Variants in WIZ observed in about 807,000 individuals in gnomAD.
WIZ encodes the protein WIZ zinc finger.
In WIZ, 25 loss-of-function variants were observed where a neutral mutation model predicts 140.2. That is an observed-to-expected ratio of 0.18 (90% CI 0.13 to 0.25). The LOEUF (loss-of-function observed/expected upper bound fraction) is 0.25, where lower values mean the gene tolerates loss of function less well. WIZ is among the 10% of genes least tolerant of loss of function. The pLI, the probability that WIZ is intolerant of heterozygous loss-of-function variation, is 1.00. For missense variants in WIZ, 2,231 were observed against 2,632.6 expected (o/e 0.85, Z 3.34); for synonymous variants, 1,125 against 1,154.3 (o/e 0.97, Z 0.51).
At chr19:15,446,131 T>C (rs1158461722) in intron 2 of WIZ, among the ~76,000 whole-genome samples, 4 of 152,158 alleles carry the variant, frequency 2.6e-5, no homozygotes, top group East Asian at 1.9e-4. Context: ...CCTTCAAGGG[T>C]GGGCCTGGCC....
intron 5 of WIZ, among the ~76,000 whole-genome samples, chr19:15,435,044 T>A (rs968202230): frequency 1.3e-5 from 2 of 151,950 alleles, no homozygotes; most frequent in African/African-American, 2.4e-5. Flanking sequence ...CTGGCTAACA[T>A]AGTGAAACCT....
Position 15,429,789 on chromosome 19 carries a change from A to G in WIZ, c.3212T>C (p.Ile1071Thr). 6.6e-7 allele frequency: 1 copy of G among 1,519,390 alleles called. No homozygotes were observed. Among genetic ancestry groups the G allele is most frequent in the Non-Finnish European group, 8.8e-7 (1 of 1,136,066 alleles). 94.1% of individuals were successfully genotyped at this position (1,519,390 alleles called of 1,614,324 possible). A position where few individuals can be genotyped will look rare whatever the true frequency, so the allele number is the denominator to read the frequency against. Reference sequence around the variant, plus strand: ...GGCCGAGAAGCCGGGAGGCGACTTGATGGCTTTGTTGACAGCAGGGGCATC... The same window carrying G: ...GGCCGAGAAGCCGGGAGGCGACTTGGTGGCTTTGTTGACAGCAGGGGCATC... Reference protein sequence around the residue: ...PLDAPAVNKAIKSPPGFSAKG... With the variant: ...PLDAPAVNKATKSPPGFSAKG... The change falls in exon 7 of 13, where the codon ATC (isoleucine) becomes ACC (threonine). Residue 1071 changes from isoleucine to threonine, a missense_variant. By Grantham distance (89) the Ile-to-Thr change is moderately conservative. Around this residue, in one of 15 missense-constraint regions of WIZ, gnomAD observed 163 missense variants for 166.8 expected, o/e 0.98. Coordinates refer to ENST00000673675, the MANE Select transcript of WIZ (RefSeq NM_001371589.1).
In WIZ at chr19:15,428,285, C is replaced by T. The variant is rs1968987326; in HGVS notation, c.3639G>A (p.Gly1213=). The change falls in exon 8 of 13, where the codon GGG becomes GGA. Residue 1213 remains glycine, a synonymous_variant. Coordinates refer to ENST00000673675, the MANE Select transcript of WIZ (RefSeq NM_001371589.1). The surrounding 1 kb of genome is among the most constrained non-coding windows in gnomAD (Gnocchi z 6.4). ...GGGCCGCGGAGGTGGGAGGCGGCCG[C>T]CCCGGGTGGGCCAGGGCGCCGCGCC... ...PPRRGALAHP[G]RPPPTSAALS... 2 of 1,527,882 alleles carry T rather than the reference C, an allele frequency of 1.3e-6. No homozygotes were observed. Among genetic ancestry groups the T allele is most frequent in the Non-Finnish European group, 1.7e-6 (2 of 1,143,740 alleles). The allele number at this position is 1,527,882 out of a possible 1,614,324, so 94.6% of individuals were successfully genotyped here. A position where few individuals can be genotyped will look rare whatever the true frequency, so the allele number is the denominator to read the frequency against.
chr19:15,446,306 C>T (rs533107834), intron 2 of WIZ, among the ~76,000 whole-genome samples: 105 of 152,238 alleles, frequency 6.9e-4, no homozygotes, highest in African/African-American at 2.2e-3. Flanking sequence ...TCCAATCCCT[C>T]GGAACCAGAC....
At chr19:15,430,809 G>A (rs977581272) in intron 6 of WIZ, among the ~76,000 whole-genome samples, 2 of 152,234 alleles carry the variant, frequency 1.3e-5, no homozygotes, top group Non-Finnish European at 2.9e-5. Flanking sequence ...CGCCCCGTGA[G>A]GGTGCAGCTC....
intron 5 of WIZ, among the ~76,000 whole-genome samples, chr19:15,434,994 C>T (rs948583347): frequency 6.6e-6 from 1 of 152,060 alleles, no homozygotes; most frequent in Non-Finnish European, 1.5e-5. Flanking sequence ...TTTGGGAGGA[C>T]GAGGCAGGCG....
Position 15,436,858 on chromosome 19 carries a change from C to T in WIZ, c.2688G>A (p.Thr896=), listed in dbSNP as rs767650543. 2.7e-5 allele frequency: 44 copies of T among 1,611,956 alleles called. No individual in the cohort carries two copies. The highest frequency in any genetic ancestry group is 3.4e-5 in the Non-Finnish European group (40 of 1,179,318). The change falls in exon 5 of 13, where the codon ACG becomes ACA. Residue 896 remains threonine, a synonymous_variant. Transcript: ENST00000673675. ...LTSRRPRLPL[T]VPFPPTWAED... ...CAGCCCAGGTGGGTGGAAAGGGCAC[C>T]GTGAGAGGTAAGCGGGGCCGACGGG...
rs1968460373 is a variant in WIZ at position 15,422,942 on chromosome 19, C to T, written c.*134G>A. On this transcript the variant is annotated 3_prime_UTR_variant, in exon 13 of 13. Transcript: ENST00000673675. ...GCGCCCTGGCTGTAGTGTGCCCGGCCCCCAAGGGGCGCCGGTTTGAGGTTT... is the reference window on the plus strand; with the variant it reads ...GCGCCCTGGCTGTAGTGTGCCCGGCTCCCAAGGGGCGCCGGTTTGAGGTTT... 2 of 1,347,420 alleles carry T rather than the reference C, an allele frequency of 1.5e-6. No homozygotes were observed. The highest frequency in any genetic ancestry group is 2.9e-5 in the African/African-American group (2 of 68,246). 83.5% of individuals were successfully genotyped at this position (1,347,420 alleles called of 1,614,324 possible).
In WIZ at chr19:15,442,537, C is replaced by G; in HGVS notation, c.278+139G>C. The stretch of plus-strand genomic sequence containing the variant: ...AGCACACGCCCAGGGGCTTGCCTGC[C>G]GGGAGCTGACTCCTCCTCCTGCCTG... On this transcript the variant is annotated intron_variant, in intron 3 of 12. Transcript: ENST00000673675. This position sits in a 1 kb window ranked among gnomAD's most constrained non-coding sequence, Gnocchi z 5.5. 2 of 591,412 alleles carry G rather than the reference C, an allele frequency of 3.4e-6. No individual in the cohort carries two copies. Among genetic ancestry groups the G allele is most frequent in the Non-Finnish European group, 5.0e-6 (2 of 403,582 alleles). The allele number at this position is 591,412 out of a possible 1,614,324, so 36.6% of individuals were successfully genotyped here. A position where few individuals can be genotyped will look rare whatever the true frequency, so the allele number is the denominator to read the frequency against.
At chr19:15,441,293 C>A (rs866883334) in intron 3 of WIZ, among the ~76,000 whole-genome samples, 2 of 151,612 alleles carry the variant, frequency 1.3e-5, no homozygotes, top group African/African-American at 4.8e-5. Flanking sequence ...CCTTCTTGGG[C>A]AGAGGGGTGG....
At chr19:15,429,488 CCA>C in intron 7 of WIZ, 96 bp downstream of exon 7, 1 of 863,528 alleles carries the variant, frequency 1.2e-6, no homozygotes, top group Non-Finnish European at 1.6e-6. Flanking sequence ...CCCACCGCCC[CCA>C]CCCACCCTGG....
rs983292826 is a variant in WIZ, at chr19:15,440,492, G to A, written c.502C>T (p.Arg168Trp). The A allele has an allele frequency of 2.7e-5, 42 of 1,535,998 alleles. No homozygotes were observed. The highest frequency in any genetic ancestry group is 1.2e-4 in the African/African-American group (9 of 73,022). ...LEGSRRFLHH[R>W]GEPRLLEKHA... ...TTCTCCAAAAGCCTTGGTTCCCCCC[G>A]GTGGTGTAAGAACCTTCTAGAGCCC... Residue 168 changes from arginine (R) to tryptophan (W), a missense_variant, in exon 4 of 13, where the codon CGG becomes TGG. Physicochemically the swap from Arg to Trp is moderately radical, Grantham distance 101. Transcript: ENST00000673675. The surrounding 1 kb of genome is among the most constrained non-coding windows in gnomAD (Gnocchi z 6.2).
chr19:15,435,720 C>G (rs969755130), intron 5 of WIZ, among the ~76,000 whole-genome samples: 1 of 152,050 alleles, frequency 6.6e-6, no homozygotes, highest in African/African-American at 2.4e-5. Flanking sequence ...GTAATCCCAG[C>G]TACTCAGCAG....
chr19:15,423,334 G>A, intron 12 of WIZ, 99 bp from the exon 13 acceptor site: 1 of 1,451,590 alleles, frequency 6.9e-7, no homozygotes, highest in Non-Finnish European at 9.3e-7. Context: ...GCTACTCAGT[G>A]TGGACAGAGC....
chr19:15,433,456 G>T, intron 5 of WIZ: 1 of 620,552 alleles, frequency 1.6e-6, no homozygotes. Context: ...CCCTAATGTT[G>T]CATATCCTTA....
rs1293174781 is a variant in WIZ, at chr19:15,422,766, C to T, written c.*310G>A. The T allele has an allele frequency of 2.1e-5, 9 of 423,458 alleles. No homozygotes were observed. Among genetic ancestry groups the T allele is most frequent in the East Asian group, 4.1e-5 (1 of 24,540 alleles). The allele number at this position is 423,458 out of a possible 1,614,324, so 26.2% of individuals were successfully genotyped here. ...GACATCGCCCTGCCTGGCTGCTAGA[C>T]GGGGGAGTGCTGTCCTCCCCTGTGA... On this transcript the variant is annotated 3_prime_UTR_variant, in exon 13 of 13. Coordinates refer to ENST00000673675, the MANE Select transcript of WIZ (RefSeq NM_001371589.1).
chr19:15,432,524 G>A (rs1200493490), intron 5 of WIZ: 2 of 894,586 alleles, frequency 2.2e-6, no homozygotes, highest in Non-Finnish European at 1.3e-6. Context: ...GGTGGTGGTG[G>A]CGGCGGCGGC....
Position 15,430,996 on chromosome 19 carries a change from C to A in WIZ, c.2911+16G>T. The A allele has an allele frequency of 6.6e-7, 1 of 1,514,004 alleles. No individual in the cohort carries two copies. The highest frequency in any genetic ancestry group is 8.8e-7 in the Non-Finnish European group (1 of 1,132,828). 93.8% of individuals were successfully genotyped at this position (1,514,004 alleles called of 1,614,324 possible). On this transcript the variant is annotated intron_variant, in intron 6 of 12. Coordinates refer to ENST00000673675, the MANE Select transcript of WIZ (RefSeq NM_001371589.1). ...GCCTGGCCAGCATCCCCTGCCATGC[C>A]ACCTGGGCCACTCACCCTTGAGGTC...
At position 15,436,851 on chromosome 19, in the gene WIZ, A is replaced by G. The variant is rs1969533682; in HGVS notation, c.2695T>C (p.Phe899Leu). The change falls in exon 5 of 13, where the codon TTT (phenylalanine) becomes CTT (leucine). Residue 899 changes from phenylalanine to leucine, a missense_variant. Around this residue, in one of 15 missense-constraint regions of WIZ, gnomAD observed 137 missense variants for 135.8 expected, o/e 1.01. Coordinates refer to ENST00000673675, the MANE Select transcript of WIZ (RefSeq NM_001371589.1). ...GGGTCCTCAGCCCAGGTGGGTGGAA[A>G]GGGCACCGTGAGAGGTAAGCGGGGC... ...RRPRLPLTVP[F>L]PPTWAEDPGP... 3.1e-6 allele frequency: 5 copies of G among 1,611,084 alleles called. No individual in the cohort carries two copies. Among genetic ancestry groups the G allele is most frequent in the Non-Finnish European group, 4.2e-6 (5 of 1,179,024 alleles).
Sources: gnomAD v4.1 joint callset for allele counts (sites outside exome capture counted in the v4.1 genomes callset) on GRCh38, gnomAD v4.1.1 for gene constraint, gnomAD v4.1.1 regional missense constraint, Gnocchi (gnomAD v3.1) non-coding constraint, MANE v1.5 for transcripts, NCBI Gene and HGNC (gene_info 2026-07-23, HGNC 2026-07-21) for gene names.